Variants in POLD3 observed in about 807,000 individuals in gnomAD.
The protein encoded by POLD3 is DNA polymerase delta subunit 3.
POLD3 carries 19 observed loss-of-function variants against 58.2 expected under a neutral mutation model. The observed-to-expected ratio is 0.33, with a 90% CI of 0.23 to 0.48. The LOEUF (loss-of-function observed/expected upper bound fraction) is 0.48. Ranked by LOEUF, POLD3 falls within the 20% of genes least tolerant of loss-of-function variation. The probability of loss-of-function intolerance (pLI) is 0.99; values close to 1 mark genes in which losing one functional copy is unlikely to be tolerated. For missense variants in POLD3, 504 were observed against 545.5 expected, an observed-to-expected ratio of 0.92 and a Z score of 0.76; for synonymous variants, 172 against 193.5, an observed-to-expected ratio of 0.89 and a Z score of 0.92.
chr11:74,669,090 C>G (rs2033308612), exon 5 of POLD3: 1 of 258,976 alleles, frequency 3.9e-6, no homozygotes, highest in African/African-American at 2.3e-5. Context: ...GACCCAGGGT[C>G]TCTGCTTTAG....
intron 3 of POLD3, among the ~76,000 whole-genome samples, chr11:74,609,609 C>T (rs1358820319): frequency 6.6e-6 from 1 of 151,514 alleles, no homozygotes; most frequent in Non-Finnish European, 1.5e-5. Context: ...TCTTGAACTC[C>T]TGACCTCGTG....
At chr11:74,630,792 G>C (rs1223202971) in intron 9 of POLD3, among the ~76,000 whole-genome samples, 1 of 152,132 alleles carries the variant, frequency 6.6e-6, no homozygotes, top group Non-Finnish European at 1.5e-5. Flanking sequence ...AGATACTCTA[G>C]TATTAGTAAA....
chr11:74,658,846 G>A (rs1399078869), intron 4 of POLD3, among the ~76,000 whole-genome samples: 2 of 152,114 alleles, frequency 1.3e-5, no homozygotes, highest in Non-Finnish European at 2.9e-5. Context: ...TGCTTTCATG[G>A]GCTGGCATTG....
At chr11:74,653,524 G>A (rs1376389253) in intron 4 of POLD3, among the ~76,000 whole-genome samples, 1 of 151,992 alleles carries the variant, frequency 6.6e-6, no homozygotes, top group African/African-American at 2.4e-5. Context: ...AAACCTGAGA[G>A]CAACCACTGA....
intron 4 of POLD3, among the ~76,000 whole-genome samples, chr11:74,654,263 C>T (rs761771980): frequency 1.2e-4 from 18 of 152,098 alleles, no homozygotes; most frequent in Non-Finnish European, 2.2e-4. Context: ...AAAGACCATG[C>T]GTACACAAAT....
At chr11:74,645,574 C>T (rs974720384), downstream of POLD3, among the ~76,000 whole-genome samples, 8 of 152,204 alleles carry the variant, frequency 5.3e-5, no homozygotes, top group African/African-American at 1.7e-4. Flanking sequence ...TATGCATCCT[C>T]TCTGAACTTG....
At chr11:74,657,935 C>T (rs1004554858) in intron 4 of POLD3, among the ~76,000 whole-genome samples, 1 of 151,920 alleles carries the variant, frequency 6.6e-6, no homozygotes, top group Admixed American at 6.6e-5. Context: ...GTTTTTTTCC[C>T]TTGGGACTTT....
intron 2 of POLD3, among the ~76,000 whole-genome samples, chr11:74,596,588 ATG>A (rs1213118215): frequency 6.6e-6 from 1 of 152,214 alleles, no homozygotes; most frequent in African/African-American, 2.4e-5. Context: ...TAGCTAATAA[ATG>A]TATTACATCA....
intron 10 of POLD3, among the ~76,000 whole-genome samples, chr11:74,635,187 A>G (rs2032711933): frequency 6.6e-6 from 1 of 152,084 alleles, no homozygotes; most frequent in South Asian, 2.1e-4. Context: ...TAGATAATGA[A>G]GAGTTGAAAA....
intron 5 of POLD3, among the ~76,000 whole-genome samples, chr11:74,616,792 T>C (rs1440626751): frequency 6.6e-6 from 1 of 152,146 alleles, no homozygotes; most frequent in Admixed American, 6.5e-5. Context: ...TTTTTTTTTT[T>C]CATTAGGCCA....
Position 74,611,555 on chromosome 11 carries a change from CT to C in POLD3, c.259+19del. 6.7e-7 allele frequency: 1 copy of C among 1,503,038 alleles called. No individual in the cohort carries two copies. Among genetic ancestry groups the C allele is most frequent in the Non-Finnish European group, 9.2e-7 (1 of 1,089,984 alleles). The allele number at this position is 1,503,038 out of a possible 1,614,324, so 93.1% of individuals were successfully genotyped here. A position where few individuals can be genotyped will look rare whatever the true frequency, so the allele number is the denominator to read the frequency against. On this transcript the variant is annotated intron_variant, in intron 4 of 11. Coordinates refer to ENST00000263681, the MANE Select transcript of POLD3 (RefSeq NM_006591.3). ...AATTGGAAGGTAAGTGTTTTAGTGA[CT>C]TAGCAAGTTTTTCCTCTTATGGCAT...
intron 4 of POLD3, among the ~76,000 whole-genome samples, chr11:74,658,611 T>G (rs2033166098): frequency 1.3e-5 from 2 of 152,178 alleles, no homozygotes; most frequent in Admixed American, 1.3e-4. Flanking sequence ...ATACAGGTAT[T>G]GGGTAAATAC....
At position 74,618,805 on chromosome 11, in the gene POLD3, G is replaced by A; in HGVS notation, c.660+1G>A. 6.2e-7 allele frequency: 1 copy of A among 1,608,082 alleles called. No homozygotes were observed. ...AACAGAGGCTAAAGAAGTAACAAAT[G>A]TAAGTCTTCTTTGAAGATACCCCTT... On this transcript the variant is annotated splice_donor_variant, in intron 6 of 11. Coordinates refer to ENST00000263681, the MANE Select transcript of POLD3 (RefSeq NM_006591.3). LOFTEE classifies it high-confidence loss of function.
chr11:74,645,158 C>A (rs1490085280), downstream of POLD3, among the ~76,000 whole-genome samples: 1 of 152,000 alleles, frequency 6.6e-6, no homozygotes, highest in East Asian at 1.9e-4. Flanking sequence ...TCATTATGGG[C>A]AAAATATTAT....
At chr11:74,607,289 G>A (rs1263649504) in intron 3 of POLD3, among the ~76,000 whole-genome samples, 1 of 148,310 alleles carries the variant, frequency 6.7e-6, no homozygotes, top group Non-Finnish European at 1.5e-5. Flanking sequence ...TTGAGACCGA[G>A]TCTTGCTCTG....
At chr11:74,639,859 ACT>A (rs1010059415) in intron 11 of POLD3, among the ~76,000 whole-genome samples, 86 of 152,378 alleles carry the variant, frequency 5.6e-4, no homozygotes, top group African/African-American at 2.0e-3. Context: ...TCAATTTATC[ACT>A]GTCATTCCTT....
chr11:74,656,185 T>C (rs960920248), intron 4 of POLD3, among the ~76,000 whole-genome samples: 1 of 152,130 alleles, frequency 6.6e-6, no homozygotes, highest in African/African-American at 2.4e-5. Flanking sequence ...TTATTTGAAG[T>C]TTTTCTTCTT....
intron 2 of POLD3, among the ~76,000 whole-genome samples, chr11:74,604,052 A>G (rs544006409): frequency 5.9e-5 from 9 of 152,350 alleles, no homozygotes; most frequent in Admixed American, 1.3e-4. Flanking sequence ...ACATTCTGCA[A>G]TTCTGAACCG....
intron 11 of POLD3, among the ~76,000 whole-genome samples, chr11:74,639,814 C>CTGATA (rs2032861607): frequency 6.6e-6 from 1 of 152,212 alleles, no homozygotes; most frequent in African/African-American, 2.4e-5. Context: ...ATGCCTTCGG[C>CTGATA]TGATAGGGAG....
Sources: allele counts gnomAD v4.1 joint callset (sites outside exome capture counted in the v4.1 genomes callset), GRCh38; gene constraint gnomAD v4.1.1; transcripts MANE v1.5; gene names NCBI Gene and HGNC (gene_info 2026-07-23, HGNC 2026-07-21).